The following CRB1 variants were observed in gnomAD, a reference collection of about 807,000 sequenced individuals.
The protein encoded by CRB1 is crumbs cell polarity complex component 1, also known as protein crumbs homolog 1.
In CRB1, 83 loss-of-function variants were observed where a neutral mutation model predicts 120.0. That is an observed-to-expected ratio of 0.69 (90% CI 0.58 to 0.83). CRB1 has a LOEUF of 0.83. Among genes scored for constraint, CRB1 ranks in the 40% least tolerant of loss-of-function variants. The probability of loss-of-function intolerance (pLI) is 0.00; values close to 1 mark genes in which losing one functional copy is unlikely to be tolerated. For synonymous variants in CRB1, 625 were observed against 612.5 expected, an observed-to-expected ratio of 1.02 and a Z score of -0.30; for missense variants, 1,699 against 1,687.6, an observed-to-expected ratio of 1.01 and a Z score of -0.12.
At chr1:197,396,467 T>C (rs1434812074) in intron 5 of CRB1, among the ~76,000 whole-genome samples, 1 of 152,086 alleles carries the variant, frequency 6.6e-6, no homozygotes, top group East Asian at 1.9e-4. Flanking sequence ...TAGAAATTGA[T>C]AGGCTGATTC....
rs192214102 is a variant in CRB1, at chr1:197,464,379, T to C, written c.4006-13285T>C. ...ATTTTTCAGGCCTAGTGACTAATCA[T>C]GGTTTTCTTCCTGAGGCTCCTAACT... On this transcript the variant is annotated intron_variant, in intron 11 of 11. Coordinates refer to ENST00000367400, the MANE Select transcript of CRB1 (RefSeq NM_201253.3). Among the ~76,000 whole-genome samples the C allele has an allele frequency of 7.6e-3, 1,160 of 152,264 alleles. 12 individuals carry two copies. The highest frequency in any genetic ancestry group is 0.013 in the Non-Finnish European group (898 of 67,992).
intron 11 of CRB1, chr1:197,477,434 A>C: frequency 1.6e-6 from 1 of 606,864 alleles, no homozygotes; most frequent in Non-Finnish European, 3.1e-6. Flanking sequence ...TATAGTAGGT[A>C]TTTCATGCCA....
rs776030428 is a variant in CRB1, at chr1:197,427,703, T to A, written c.2378T>A (p.Val793Asp). 1 of 1,613,928 alleles carries A rather than the reference T, an allele frequency of 6.2e-7. No individual in the cohort carries two copies. Among genetic ancestry groups the A allele is most frequent in the South Asian group, 1.1e-5 (1 of 91,066 alleles). Residue 793 changes from valine to aspartate, a missense_variant, in exon 7 of 12, where the codon GTC (valine) becomes GAC (aspartate). By Grantham distance (152) the Val-to-Asp change is radical. Transcript: ENST00000367400. The stretch of plus-strand genomic sequence containing the variant: ...AAATTTGTTCTTAATGATGGAAATG[T>A]CCACTTGATATCTTTGAAAATCAAG... ...VVKFVLNDGN[V>D]HLISLKIKPY...
chr1:197,361,485 T>C (rs1377420757), intron 5 of CRB1, among the ~76,000 whole-genome samples: 1 of 151,722 alleles, frequency 6.6e-6, no homozygotes, highest in Non-Finnish European at 1.5e-5. Context: ...GATTGGTCCT[T>C]TTTTTTTCTA....
At chr1:197,399,145 C>A (rs1454857855) in intron 5 of CRB1, among the ~76,000 whole-genome samples, 5 of 152,014 alleles carry the variant, frequency 3.3e-5, no homozygotes, top group African/African-American at 4.8e-5. Context: ...CCTTGATTAG[C>A]CCCATTCCCT....
At chr1:197,404,556 G>A (rs946549808) in intron 5 of CRB1, among the ~76,000 whole-genome samples, 4 of 150,478 alleles carry the variant, frequency 2.7e-5, no homozygotes, top group Non-Finnish European at 4.4e-5. Context: ...CAGCACCTTT[G>A]GTTTTATGGT....
intron 11 of CRB1, among the ~76,000 whole-genome samples, chr1:197,446,986 T>C (rs1665731759): frequency 6.6e-6 from 1 of 152,232 alleles, no homozygotes; most frequent in Non-Finnish European, 1.5e-5. Context: ...TTCCATTCTT[T>C]GTATATGTAA....
In CRB1 at chr1:197,427,700, A is replaced by G. The variant is rs745366076; in HGVS notation, c.2375A>G (p.Asn792Ser). ...GTAAAATTTGTTCTTAATGATGGAA[A>G]TGTCCACTTGATATCTTTGAAAATC... ...LVVKFVLNDG[N>S]VHLISLKIKP... The change falls in exon 7 of 12, where the codon AAT becomes AGT. Residue 792 changes from asparagine (N) to serine (S), a missense_variant. Asn to Ser is a conservative substitution (Grantham distance 46). Coordinates refer to ENST00000367400, the MANE Select transcript of CRB1 (RefSeq NM_201253.3). The G allele has an allele frequency of 1.9e-6, 3 of 1,613,870 alleles. No individual in the cohort carries two copies. Among genetic ancestry groups the G allele is most frequent in the Admixed American group, 1.7e-5 (1 of 59,968 alleles).
At chr1:197,429,787 T>C (rs527376023) in intron 8 of CRB1, among the ~76,000 whole-genome samples, 173 bp downstream of exon 8, 6 of 152,296 alleles carry the variant, frequency 3.9e-5, no homozygotes, top group Admixed American at 2.0e-4. Context: ...ATCCTGCCCT[T>C]GGTGGCTGTC....
chr1:197,424,688 T>C (rs953935506), intron 6 of CRB1, among the ~76,000 whole-genome samples: 4 of 152,208 alleles, frequency 2.6e-5, no homozygotes, highest in African/African-American at 9.6e-5. Context: ...CTTTGTATCA[T>C]TGTCACTCAT....
At chr1:197,360,711 A>G (rs1660726978) in intron 5 of CRB1, among the ~76,000 whole-genome samples, 1 of 152,212 alleles carries the variant, frequency 6.6e-6, no homozygotes, top group Admixed American at 6.5e-5. Flanking sequence ...TTCTTTTTGT[A>G]GATTCCAGGG....
At chr1:197,462,471 A>G (rs1003205707) in intron 11 of CRB1, among the ~76,000 whole-genome samples, 4 of 152,162 alleles carry the variant, frequency 2.6e-5, no homozygotes. Flanking sequence ...TTCTGGAAAC[A>G]TTAAATCCTC....
the CRB1 span, among the ~76,000 whole-genome samples, chr1:197,240,308 C>T: frequency 3.0e-4 from 46 of 152,042 alleles, 1 homozygote; most frequent in Non-Finnish European, 5.9e-4. Context: ...CATGGTGGTT[C>T]GCTGCACCCA....
intron 5 of CRB1, among the ~76,000 whole-genome samples, chr1:197,375,868 C>T (rs1186957934): frequency 1.3e-5 from 2 of 152,196 alleles, no homozygotes; most frequent in Non-Finnish European, 2.9e-5. Flanking sequence ...ATTCCACCCT[C>T]CTCTAAAGAG....
At chr1:197,372,557 A>G (rs554422309) in intron 5 of CRB1, among the ~76,000 whole-genome samples, 1 of 152,296 alleles carries the variant, frequency 6.6e-6, no homozygotes, top group Non-Finnish European at 1.5e-5. Context: ...TTATGGCAAC[A>G]CTTAAGCTGC....
At chr1:197,333,636 T>C (rs1231132653) in intron 2 of CRB1, among the ~76,000 whole-genome samples, 1 of 152,192 alleles carries the variant, frequency 6.6e-6, no homozygotes, top group Non-Finnish European at 1.5e-5. Context: ...TTTTGGGAAA[T>C]AAGAAAATGC....
At chr1:197,387,531 G>A (rs951364424) in intron 5 of CRB1, among the ~76,000 whole-genome samples, 3 of 151,676 alleles carry the variant, frequency 2.0e-5, no homozygotes, top group Non-Finnish European at 2.9e-5. Flanking sequence ...CATCTTTTTT[G>A]GAGCTATATT....
At chr1:197,295,301 C>T (rs1571786521) in intron 1 of CRB1, among the ~76,000 whole-genome samples, 1 of 152,054 alleles carries the variant, frequency 6.6e-6, no homozygotes, top group East Asian at 1.9e-4. Context: ...GGGTACTAAA[C>T]ACCTGAGTCC....
At chr1:197,278,404 T>C (rs1354148642) in intron 1 of CRB1, among the ~76,000 whole-genome samples, 5 of 152,020 alleles carry the variant, frequency 3.3e-5, no homozygotes, top group Non-Finnish European at 7.4e-5. Flanking sequence ...CTCTTGTTTA[T>C]AAAGCCACTT....
Sources: gnomAD v4.1 joint callset for allele counts (sites outside exome capture counted in the v4.1 genomes callset) on GRCh38, gnomAD v4.1.1 for gene constraint, MANE v1.5 for transcripts, NCBI Gene and HGNC (gene_info 2026-07-23, HGNC 2026-07-21) for gene names.